Variants in CTNNA3 observed in about 807,000 individuals in gnomAD.
CTNNA3 encodes catenin alpha-3.
Under a neutral mutation model 95.7 loss-of-function variants are expected in CTNNA3, and 76 were observed. The observed-to-expected ratio is 0.79, with a 90% CI of 0.66 to 0.96. The LOEUF (loss-of-function observed/expected upper bound fraction) is 0.96. CTNNA3 is among the 40% of genes least tolerant of loss of function. CTNNA3 has a pLI of 0.00. For missense variants in CTNNA3, 1,191 were observed against 1,089.8 expected (o/e 1.09, Z -1.31); for synonymous variants, 431 against 374.4 (o/e 1.15, Z -1.74).
In CTNNA3 at chr10:66,535,938, G is replaced by C. The variant is rs115041195; in HGVS notation, c.1375-15165C>G. Among the ~76,000 whole-genome samples, 1,291 of 152,192 alleles carry C rather than the reference G, an allele frequency of 8.5e-3. 20 individuals are homozygous for C. The highest frequency in any genetic ancestry group is 0.03 in the African/African-American group (1,226 of 41,514). ...TGAAAATAAAGAACACAAAATATATGGTTTGGGTGAGCAAAATTATTAGTT... is the reference window on the plus strand; with the variant it reads ...TGAAAATAAAGAACACAAAATATATCGTTTGGGTGAGCAAAATTATTAGTT... On this transcript the variant is annotated intron_variant, in intron 10 of 17. Transcript: ENST00000433211.
chr10:66,027,551 TCTC>T (rs1419332193), intron 15 of CTNNA3, among the ~76,000 whole-genome samples: 1 of 152,178 alleles, frequency 6.6e-6, no homozygotes, highest in East Asian at 1.9e-4. Flanking sequence ...ATTAATTAGA[TCTC>T]CTCATAATTG....
chr10:66,273,802 A>G (rs780945540), intron 13 of CTNNA3, among the ~76,000 whole-genome samples: 3 of 152,116 alleles, frequency 2.0e-5, no homozygotes, highest in Non-Finnish European at 4.4e-5. Flanking sequence ...CCAGAAAAGA[A>G]AGGGTGAGAA....
chr10:66,989,922 A>G (rs1850951113), intron 7 of CTNNA3, among the ~76,000 whole-genome samples: 2 of 152,164 alleles, frequency 1.3e-5, no homozygotes, highest in Admixed American at 6.6e-5. Flanking sequence ...TTAGTGTTCA[A>G]GAAATATTTG....
At chr10:66,952,471 C>T (rs539913451) in intron 7 of CTNNA3, among the ~76,000 whole-genome samples, 14 of 152,080 alleles carry the variant, frequency 9.2e-5, no homozygotes, top group African/African-American at 1.7e-4. Context: ...CAGGGTATGC[C>T]GTCTTGTTTT....
chr10:66,048,039 G>T (rs1020120954), intron 15 of CTNNA3, among the ~76,000 whole-genome samples: 1 of 152,080 alleles, frequency 6.6e-6, no homozygotes, highest in African/African-American at 2.4e-5. Context: ...TATTAAAATG[G>T]TTATACCATC....
intron 13 of CTNNA3, among the ~76,000 whole-genome samples, chr10:66,130,853 T>A (rs1176684109): frequency 3.6e-5 from 5 of 137,098 alleles, no homozygotes; most frequent in East Asian, 2.1e-4. Context: ...AGACTCCGTC[T>A]CAAAAACAAA....
intron 2 of CTNNA3, among the ~76,000 whole-genome samples, chr10:67,620,921 G>GTATATATATATATATATATATA (rs1272442858): frequency 1.1e-5 from 1 of 94,856 alleles, no homozygotes; most frequent in African/African-American, 4.6e-5. Context: ...GTGTGTGTGT[G>GTATATATATATATATATATATA]TGTATATATA....
intron 12 of CTNNA3, among the ~76,000 whole-genome samples, chr10:66,360,597 T>TTCTTTCTTTCTTTCTTTCTTTC (rs2092647064): frequency 2.7e-5 from 1 of 36,906 alleles, no homozygotes. Flanking sequence ...TATTCTTTCC[T>TTCTTTCTTTCTTTCTTTCTTTC]TCTTTCTTTC....
Position 67,611,563 on chromosome 10 carries a change from G to A in CTNNA3, c.100-4514C>T, listed in dbSNP as rs189524479. Reference sequence around the variant, plus strand: ...GATCTCCTGACCTCATGATCCGCCCGCCTCAGCCTCCCAAAGTGCTGGGAT... The same window carrying A: ...GATCTCCTGACCTCATGATCCGCCCACCTCAGCCTCCCAAAGTGCTGGGAT... On this transcript the variant is annotated intron_variant, in intron 2 of 17. Transcript: ENST00000433211. Among the ~76,000 whole-genome samples the A allele has an allele frequency of 1.4e-3, 210 of 152,208 alleles. 1 individual carries two copies. The Middle Eastern group carries it at 0.031, about 22-fold the overall frequency.
intron 9 of CTNNA3, among the ~76,000 whole-genome samples, chr10:66,731,011 GACA>G (rs2132665213): frequency 6.6e-6 from 1 of 152,244 alleles, no homozygotes; most frequent in African/African-American, 2.4e-5. Context: ...CCAATTATGT[GACA>G]ACATTTCTTT....
chr10:67,530,175 A>G (rs1272482859), intron 4 of CTNNA3, among the ~76,000 whole-genome samples: 1 of 152,174 alleles, frequency 6.6e-6, no homozygotes, highest in African/African-American at 2.4e-5. Context: ...TAATACAGTA[A>G]ATTGGTACCA....
chr10:67,317,413 CCATGTGTT>C (rs1481322100), intron 5 of CTNNA3, among the ~76,000 whole-genome samples: 3 of 131,372 alleles, frequency 2.3e-5, no homozygotes, highest in African/African-American at 7.8e-5. Flanking sequence ...CTTCCTGTGT[CCATGTGTT>C]CTCATTGTTC....
intron 14 of CTNNA3, among the ~76,000 whole-genome samples, chr10:66,100,741 T>C (rs2081591959): frequency 6.6e-6 from 1 of 152,184 alleles, no homozygotes; most frequent in South Asian, 2.1e-4. Flanking sequence ...GCCTATACTT[T>C]GGACCAAGAA....
intron 15 of CTNNA3, among the ~76,000 whole-genome samples, chr10:66,034,810 C>G (rs2079527883): frequency 6.6e-6 from 1 of 152,134 alleles, no homozygotes; most frequent in Non-Finnish European, 1.5e-5. Flanking sequence ...AAAACAAGAA[C>G]TGTGGATTAA....
chr10:66,644,094 CA>C (rs1845608770), intron 9 of CTNNA3, among the ~76,000 whole-genome samples: 1 of 151,710 alleles, frequency 6.6e-6, no homozygotes, highest in Non-Finnish European at 1.5e-5. Context: ...CCCGTCTCTG[CA>C]AAAAATACAA....
Position 66,577,893 on chromosome 10 carries a change from T to C in CTNNA3, c.1374+43799A>G, listed in dbSNP as rs74348019. Among the ~76,000 whole-genome samples, 736 of 152,162 alleles carry C rather than the reference T, an allele frequency of 4.8e-3. 6 individuals are homozygous for C. The highest frequency in any genetic ancestry group is 7.5e-3 in the Non-Finnish European group (513 of 68,002). On this transcript the variant is annotated intron_variant, in intron 10 of 17. Coordinates refer to ENST00000433211, the MANE Select transcript of CTNNA3 (RefSeq NM_013266.4). ...GTACTTTGATAGGAATAGCATCTAA[T>C]ATGTAAGTTGCTTTTGGCAGTATGG...
At chr10:66,705,070 T>C (rs986730404) in intron 9 of CTNNA3, among the ~76,000 whole-genome samples, 1 of 152,102 alleles carries the variant, frequency 6.6e-6, no homozygotes, top group Non-Finnish European at 1.5e-5. Flanking sequence ...TTTCTTTCCA[T>C]TCCCAGTTTT....
chr10:67,330,703 T>TAA (rs5785821), intron 5 of CTNNA3, among the ~76,000 whole-genome samples: 52 of 148,740 alleles, frequency 3.5e-4, no homozygotes, highest in South Asian at 6.4e-4. Flanking sequence ...TGTCATTTTC[T>TAA]AAAAAAAAAA....
At chr10:67,336,076 G>T (rs1841985943) in intron 5 of CTNNA3, among the ~76,000 whole-genome samples, 1 of 151,770 alleles carries the variant, frequency 6.6e-6, no homozygotes, top group South Asian at 2.1e-4. Context: ...ATTGTTGTGG[G>T]GCACCATGAA....
Sources: allele counts gnomAD v4.1 joint callset (sites outside exome capture counted in the v4.1 genomes callset), GRCh38; gene constraint gnomAD v4.1.1; transcripts MANE v1.5; gene names NCBI Gene and HGNC (gene_info 2026-07-23, HGNC 2026-07-21).